Variants in CD109 observed in about 807,000 individuals in gnomAD.
CD109 encodes CD109 antigen.
A neutral mutation model predicts 165.8 loss-of-function variants in CD109; 149 were observed. The ratio of observed to expected loss-of-function variants is 0.90; its 90% CI spans 0.79 to 1.03. The LOEUF is 1.03. Ranked by LOEUF, CD109 falls within the 50% of genes least tolerant of loss-of-function variation. The probability of loss-of-function intolerance (pLI) is 0.00; values close to 1 mark genes in which losing one functional copy is unlikely to be tolerated. For synonymous variants in CD109, 585 were observed against 592.1 expected (o/e 0.99, Z 0.18); for missense variants, 1,712 against 1,677.8 (o/e 1.02, Z -0.36).
rs1775634811 is a variant in CD109 at position 73,808,113 on chromosome 6, T to G, written c.3220T>G (p.Phe1074Val). The change falls in exon 26 of 33, where the codon TTT becomes GTT. Residue 1074 changes from phenylalanine to valine, a missense_variant. Transcript: ENST00000287097. ...CATTGATGTGCAAGAGTCTATCCAT[T>G]TTTTGGAGTCTGAATTCAGTAGAGG... ...PNIDVQESIHFLESEFSRGIS... is the reference protein window; with the variant it reads ...PNIDVQESIHVLESEFSRGIS... 5 of 1,613,296 alleles carry G rather than the reference T, an allele frequency of 3.1e-6. No individual in the cohort carries two copies. Among genetic ancestry groups the G allele is most frequent in the Non-Finnish European group, 4.2e-6 (5 of 1,179,560 alleles).
rs559027350 is a variant in CD109, at chr6:73,825,222, T to A, written c.*1589T>A. On this transcript the variant is annotated 3_prime_UTR_variant, in exon 33 of 33. Coordinates refer to ENST00000287097, the MANE Select transcript of CD109 (RefSeq NM_133493.5). ...GGCAAACCTGTACATAGAAAATAGA[T>A]CCCCAGACAGTGGTCTATGAAGAGG... 1 of 152,274 alleles carries A rather than the reference T, an allele frequency of 6.6e-6. No individual in the cohort carries two copies. Among genetic ancestry groups the A allele is most frequent in the African/African-American group, 2.4e-5 (1 of 41,558 alleles). The allele number at this position is 152,274 out of a possible 1,614,324, so 9.4% of individuals were successfully genotyped here.
intron 17 of CD109, among the ~76,000 whole-genome samples, chr6:73,782,214 A>T (rs1296618051): frequency 6.6e-6 from 1 of 152,210 alleles, no homozygotes; most frequent in East Asian, 1.9e-4. Flanking sequence ...ATAATTTTAT[A>T]GTCTTGAAGA....
At chr6:73,771,686 G>A (rs1254223283) in intron 15 of CD109, 105 bp downstream of exon 15, 3 of 669,750 alleles carry the variant, frequency 4.5e-6, no homozygotes, top group Non-Finnish European at 6.8e-6. Flanking sequence ...TAGTTCCTTT[G>A]CATGTGTAAG....
chr6:73,719,178 A>G (rs576629337), intron 2 of CD109, among the ~76,000 whole-genome samples: 4 of 152,324 alleles, frequency 2.6e-5, no homozygotes, highest in South Asian at 2.1e-4. Flanking sequence ...CAGTGGCTCA[A>G]TAGCCACATG....
intron 30 of CD109, among the ~76,000 whole-genome samples, chr6:73,817,014 G>T (rs1018422154): frequency 6.6e-6 from 1 of 152,134 alleles, no homozygotes; most frequent in African/African-American, 2.4e-5. Flanking sequence ...GTGAGGGTAG[G>T]GGTTTTATAA....
At position 73,724,315 on chromosome 6, in the gene CD109, A is replaced by G. The variant is rs150985002; in HGVS notation, c.276+1036A>G. Among the ~76,000 whole-genome samples, 16 of 152,346 alleles carry G rather than the reference A, an allele frequency of 1.1e-4. No homozygotes were observed. In the East Asian group the frequency reaches 2.7e-3, roughly 26 times the overall value. Reference sequence around the variant, plus strand: ...ATGTGGAAGTGTTGTAGCACTTGCTATAGAAATGGAAAGGAGTTATTATTT... The same window carrying G: ...ATGTGGAAGTGTTGTAGCACTTGCTGTAGAAATGGAAAGGAGTTATTATTT... On this transcript the variant is annotated intron_variant, in intron 3 of 32. Coordinates refer to ENST00000287097, the MANE Select transcript of CD109 (RefSeq NM_133493.5).
intron 7 of CD109, among the ~76,000 whole-genome samples, chr6:73,760,980 A>G (rs142713628): frequency 0.057 from 8,542 of 149,130 alleles, 342 homozygotes; most frequent in African/African-American, 0.11. Flanking sequence ...ATGCCACTGC[A>G]TCCAGCCTGG....
At chr6:73,691,136 G>A (rs1338031824), upstream of CD109, among the ~76,000 whole-genome samples, 1 of 152,056 alleles carries the variant, frequency 6.6e-6, no homozygotes, top group East Asian at 1.9e-4. Context: ...ACACTTTCTG[G>A]ACAAAGAAGG....
intron 5 of CD109, among the ~76,000 whole-genome samples, chr6:73,747,987 C>T (rs560132207): frequency 1.3e-5 from 2 of 151,978 alleles, no homozygotes; most frequent in South Asian, 4.2e-4. Context: ...TTCCTGCCTC[C>T]ATCTCCCGAG....
intron 7 of CD109, among the ~76,000 whole-genome samples, chr6:73,761,281 G>A (rs1347813419): frequency 2.0e-5 from 3 of 152,192 alleles, no homozygotes; most frequent in Non-Finnish European, 2.9e-5. Context: ...CTAAAGCTGC[G>A]AAGTTTCGTG....
intron 3 of CD109, among the ~76,000 whole-genome samples, chr6:73,726,131 T>C (rs185836617): frequency 3.9e-5 from 6 of 152,230 alleles, no homozygotes; most frequent in Non-Finnish European, 7.3e-5. Flanking sequence ...CCTTTTAAAG[T>C]GCACTTGCAT....
rs897168700 is a variant in CD109, at chr6:73,736,628, A to G, written c.633+120A>G. ...AAAAAATTAATGTGAACATTTAGACAATTTAAACGGTTTATTTTTAATTTA... is the reference window on the plus strand; with the variant it reads ...AAAAAATTAATGTGAACATTTAGACGATTTAAACGGTTTATTTTTAATTTA... On this transcript the variant is annotated intron_variant, in intron 5 of 32. Coordinates refer to ENST00000287097, the MANE Select transcript of CD109 (RefSeq NM_133493.5). The G allele has an allele frequency of 2.3e-5, 18 of 786,288 alleles. No individual in the cohort carries two copies. In the African/African-American group the frequency reaches 2.7e-4, roughly 12 times the overall value. The allele number at this position is 786,288 out of a possible 1,614,324, so 48.7% of individuals were successfully genotyped here.
At chr6:73,736,318 AC>A (rs1772542111) in intron 4 of CD109, 64 bp from the exon 5 acceptor site, 2 of 1,570,652 alleles carry the variant, frequency 1.3e-6, no homozygotes, top group African/African-American at 1.4e-5. Context: ...ATTATTCCTA[AC>A]CTGATAGGAT....
intron 2 of CD109, among the ~76,000 whole-genome samples, chr6:73,717,988 T>C (rs1310808363): frequency 6.6e-6 from 1 of 151,802 alleles, no homozygotes; most frequent in Admixed American, 6.6e-5. Context: ...AATCGTGTTT[T>C]GGTGGCATCT....
intron 5 of CD109, among the ~76,000 whole-genome samples, chr6:73,753,566 T>C (rs1191547668): frequency 6.6e-6 from 1 of 152,192 alleles, no homozygotes; most frequent in African/African-American, 2.4e-5. Flanking sequence ...GGGAAGACAT[T>C]GTGTAGTAGA....
intron 1 of CD109, among the ~76,000 whole-genome samples, chr6:73,696,612 T>G (rs1227542542): frequency 6.6e-6 from 1 of 152,228 alleles, no homozygotes. Context: ...GCTCCCAGAT[T>G]GCGATTCTTC....
chr6:73,785,229 T>A (rs1774642541), intron 19 of CD109, 135 bp from the exon 20 acceptor site: 2 of 628,536 alleles, frequency 3.2e-6, no homozygotes, highest in Admixed American at 6.5e-5. Flanking sequence ...TGCTGTTTGC[T>A]TTCTGTTGAT....
chr6:73,712,674 T>C (rs1771582615), intron 2 of CD109, among the ~76,000 whole-genome samples: 1 of 152,244 alleles, frequency 6.6e-6, no homozygotes, highest in Non-Finnish European at 1.5e-5. Context: ...TAAAAATAGC[T>C]TTGACTCTAT....
upstream of CD109, among the ~76,000 whole-genome samples, chr6:73,691,121 A>C (rs1437850212): frequency 6.6e-6 from 1 of 152,194 alleles, no homozygotes; most frequent in Non-Finnish European, 1.5e-5. Context: ...ACCCACAGGC[A>C]ATTAACACTT....
Sources: gnomAD v4.1 joint callset for allele counts (sites outside exome capture counted in the v4.1 genomes callset) on GRCh38, gnomAD v4.1.1 for gene constraint, MANE v1.5 for transcripts, NCBI Gene and HGNC (gene_info 2026-07-23, HGNC 2026-07-21) for gene names.